UBAP2L: variants seen among roughly 807,000 people sequenced by gnomAD.
The protein encoded by UBAP2L is ubiquitin associated protein 2 like.
A neutral mutation model predicts 130.6 loss-of-function variants in UBAP2L; 12 were observed. The ratio of observed to expected loss-of-function variants is 0.09; its 90% CI spans 0.06 to 0.15. The LOEUF (loss-of-function observed/expected upper bound fraction) is 0.15, where lower values mean the gene tolerates loss of function less well. UBAP2L is among the 10% of genes least tolerant of loss of function. The pLI is 1.00. For synonymous variants in UBAP2L, 503 were observed against 524.7 expected (o/e 0.96, Z 0.57); for missense variants, 965 against 1,332.5 (o/e 0.72, Z 4.29).
chr1:154,234,531 T>C, intron 4 of UBAP2L, 60 bp from the exon 5 acceptor site: 1 of 1,577,172 alleles, frequency 6.3e-7, no homozygotes, highest in Non-Finnish European at 8.7e-7. Context: ...CCAGCTTTCA[T>C]CTCTAGTGTC....
At chr1:154,251,793 T>C in intron 14 of UBAP2L, 140 bp downstream of exon 14, 8 of 922,806 alleles carry the variant, frequency 8.7e-6, no homozygotes, top group Non-Finnish European at 1.1e-5. Flanking sequence ...GCATTTTTAG[T>C]GCTTTAAAAT....
chr1:154,241,435 A>T, intron 8 of UBAP2L, 78 bp from the exon 9 acceptor site: 1 of 1,471,572 alleles, frequency 6.8e-7, no homozygotes, highest in Non-Finnish European at 9.4e-7. Flanking sequence ...AAAAAAATTA[A>T]TACATTGATG....
At chr1:154,242,659 G>T (rs1299686828) in intron 9 of UBAP2L, among the ~76,000 whole-genome samples, 1 of 152,188 alleles carries the variant, frequency 6.6e-6, no homozygotes, top group Admixed American at 6.5e-5. Context: ...TGCCTTAATA[G>T]TGGAAGGACT....
At chr1:154,226,844 G>A (rs562054552) in intron 2 of UBAP2L, among the ~76,000 whole-genome samples, 2 of 151,396 alleles carry the variant, frequency 1.3e-5, no homozygotes, top group African/African-American at 2.4e-5. Context: ...TTTTTTTGAG[G>A]TGGAGTCTTG....
rs982517863 is a variant in UBAP2L at position 154,270,684 on chromosome 1, A to G, written c.*389A>G. ...CTAAGTCTCCTTCTTTATTATTAGGAAAACAACAACAACAACAAACAAAAA... is the reference window on the plus strand; with the variant it reads ...CTAAGTCTCCTTCTTTATTATTAGGGAAACAACAACAACAACAAACAAAAA... On this transcript the variant is annotated 3_prime_UTR_variant, in exon 27 of 27. Coordinates refer to ENST00000428931, the MANE Select transcript of UBAP2L (RefSeq NM_014847.4). The G allele has an allele frequency of 4.9e-6, 7 of 1,414,198 alleles. No individual in the cohort carries two copies. The highest frequency in any genetic ancestry group is 3.7e-6 in the Non-Finnish European group (4 of 1,091,336). 87.6% of individuals were successfully genotyped at this position (1,414,198 alleles called of 1,614,324 possible).
intron 8 of UBAP2L, among the ~76,000 whole-genome samples, chr1:154,237,754 A>G (rs1558148625): frequency 6.6e-6 from 1 of 152,130 alleles, no homozygotes; most frequent in Admixed American, 6.6e-5. Context: ...TCTTGGTGTG[A>G]TGGAGTATTC....
At chr1:154,263,711 G>T (rs1359994367) in intron 24 of UBAP2L, among the ~76,000 whole-genome samples, 1 of 152,164 alleles carries the variant, frequency 6.6e-6, no homozygotes, top group Non-Finnish European at 1.5e-5. Flanking sequence ...GAAACTATTT[G>T]TAGAAATACC....
At chr1:154,250,992 T>C in intron 12 of UBAP2L, 49 bp from the exon 13 acceptor site, 1 of 1,555,318 alleles carries the variant, frequency 6.4e-7, no homozygotes. Flanking sequence ...AGCATTTCCT[T>C]GAGATTCATT....
At chr1:154,249,494 G>T in intron 12 of UBAP2L, 57 bp downstream of exon 12, 1 of 1,602,768 alleles carries the variant, frequency 6.2e-7, no homozygotes, top group Non-Finnish European at 8.5e-7. Flanking sequence ...ACTGTCAAGA[G>T]GCTAGCAGGG....
intron 4 of UBAP2L, among the ~76,000 whole-genome samples, chr1:154,233,475 C>T (rs1341720714): frequency 6.6e-6 from 1 of 151,916 alleles, no homozygotes. Flanking sequence ...CAGGTGCGCA[C>T]CACCACACCT....
intron 2 of UBAP2L, 28 bp downstream of exon 2, chr1:154,225,241 T>C: frequency 6.2e-7 from 1 of 1,609,908 alleles, no homozygotes; most frequent in South Asian, 1.1e-5. Flanking sequence ...TACGGATTCA[T>C]GGATAGCGTT....
chr1:154,268,610 T>G, intron 25 of UBAP2L, 147 bp from the exon 26 acceptor site: 1 of 740,906 alleles, frequency 1.3e-6, no homozygotes, highest in Non-Finnish European at 2.3e-6. Context: ...GAGCTGAGAC[T>G]GAGACCTGAA....
In UBAP2L at chr1:154,260,938, G is replaced by C; in HGVS notation, c.2625G>C (p.Pro875=). The change falls in exon 23 of 27, where the codon CCG becomes CCC. Residue 875 remains proline, a synonymous_variant. Coordinates refer to ENST00000428931, the MANE Select transcript of UBAP2L (RefSeq NM_014847.4). ...FGRGDASSPA[P]ATTLAQPQQN... ...GTGGGGATGCCTCCTCCCCAGCCCCGGCCACAACCTTGGCCCAACCCCAAC... is the reference window on the plus strand; with the variant it reads ...GTGGGGATGCCTCCTCCCCAGCCCCCGCCACAACCTTGGCCCAACCCCAAC... The C allele has an allele frequency of 6.2e-7, 1 of 1,614,072 alleles. No homozygotes were observed. The highest frequency in any genetic ancestry group is 8.5e-7 in the Non-Finnish European group (1 of 1,179,996).
chr1:154,234,205 A>ATACAAAAAT (rs904973987), intron 4 of UBAP2L, among the ~76,000 whole-genome samples: 1 of 152,042 alleles, frequency 6.6e-6, no homozygotes, highest in Non-Finnish European at 1.5e-5. Context: ...TTTACTAAAA[A>ATACAAAAAT]TACAAAAATT....
At chr1:154,250,357 T>A (rs906358829) in intron 12 of UBAP2L, among the ~76,000 whole-genome samples, 2 of 151,700 alleles carry the variant, frequency 1.3e-5, no homozygotes, top group Non-Finnish European at 2.9e-5. Flanking sequence ...TGGCCATTTT[T>A]TTTTCCTCAT....
chr1:154,231,158 G>T (rs988893198), intron 4 of UBAP2L, among the ~76,000 whole-genome samples: 1 of 152,048 alleles, frequency 6.6e-6, no homozygotes, highest in African/African-American at 2.4e-5. Context: ...AAGAGATGGG[G>T]TCTTGCCCTG....
chr1:154,260,423 T>G (rs1349231006), intron 22 of UBAP2L, among the ~76,000 whole-genome samples: 1 of 152,252 alleles, frequency 6.6e-6, no homozygotes, highest in Non-Finnish European at 1.5e-5. Context: ...TGGTCTTCTC[T>G]GCTCATCTCT....
chr1:154,237,211 T>A, intron 8 of UBAP2L, 75 bp downstream of exon 8: 1 of 1,316,802 alleles, frequency 7.6e-7, no homozygotes, highest in Non-Finnish European at 1.1e-6. Flanking sequence ...ATACTTACAT[T>A]AAAACGTGGA....
chr1:154,261,779 G>A, intron 24 of UBAP2L, 82 bp downstream of exon 24: 1 of 1,425,928 alleles, frequency 7.0e-7, no homozygotes, highest in Non-Finnish European at 9.9e-7. Context: ...TGGTGCTTGA[G>A]AAAATGGGAT....
Sources: gnomAD v4.1 joint callset for allele counts (sites outside exome capture counted in the v4.1 genomes callset) on GRCh38, gnomAD v4.1.1 for gene constraint, MANE v1.5 for transcripts, NCBI Gene and HGNC (gene_info 2026-07-23, HGNC 2026-07-21) for gene names.